The following XRN1 variants were observed in gnomAD, a reference collection of about 807,000 sequenced individuals.
XRN1 encodes the protein strand-exchange protein 1 homolog.
Under a neutral mutation model 222.3 loss-of-function variants are expected in XRN1, and 67 were observed. That is an observed-to-expected ratio of 0.30 (90% CI 0.25 to 0.37). XRN1 has a LOEUF of 0.37. Among genes scored for constraint, XRN1 ranks in the 10% least tolerant of loss-of-function variants. XRN1 has a pLI of 1.00. For synonymous variants in XRN1, 643 were observed against 652.4 expected, an observed-to-expected ratio of 0.99 and a Z score of 0.22; for missense variants, 1,707 against 2,000.2, an observed-to-expected ratio of 0.85 and a Z score of 2.80.
intron 30 of XRN1, 32 bp from the exon 31 acceptor site, chr3:142,357,151 G>A: frequency 6.4e-7 from 1 of 1,562,938 alleles, no homozygotes; most frequent in African/African-American, 1.4e-5. Flanking sequence ...GGGTTGGAAG[G>A]AAAACAATAC....
intron 8 of XRN1, among the ~76,000 whole-genome samples, chr3:142,421,757 T>C (rs2069044408): frequency 6.6e-6 from 1 of 152,172 alleles, no homozygotes; most frequent in African/African-American, 2.4e-5. Flanking sequence ...ATATAAGAAA[T>C]TCCAGGTTCC....
At chr3:142,317,103 A>T (rs921665429) in intron 39 of XRN1, among the ~76,000 whole-genome samples, 2 of 152,188 alleles carry the variant, frequency 1.3e-5, no homozygotes, top group Admixed American at 1.3e-4. Context: ...TGATCTTTGT[A>T]CATATTTCTT....
At chr3:142,388,560 T>C (rs1390541368) in intron 20 of XRN1, among the ~76,000 whole-genome samples, 1 of 152,200 alleles carries the variant, frequency 6.6e-6, no homozygotes, top group East Asian at 1.9e-4. Context: ...AGTTAACTTT[T>C]TGTTAGTGGA....
rs572632297 is a variant in XRN1, at chr3:142,354,596, C to T, written c.3768+805G>A. On this transcript the variant is annotated intron_variant, in intron 32 of 40. Coordinates refer to ENST00000392981, the MANE Select transcript of XRN1 (RefSeq NM_001282857.2). ...ATTTAGAGACTGAATCTTACTCTGT[C>T]GCCCAGGCTGGAGTGAAATGGGGCG... 4.6e-5 allele frequency among the ~76,000 whole-genome samples: 7 copies of T among 152,218 alleles called. No homozygotes were observed. The South Asian group carries it at 1.0e-3, about 23-fold the overall frequency.
At chr3:142,377,231 AAAG>A (rs1016340483) in intron 23 of XRN1, among the ~76,000 whole-genome samples, 7 of 152,072 alleles carry the variant, frequency 4.6e-5, no homozygotes, top group Non-Finnish European at 1.0e-4. Flanking sequence ...AAAAAAAAAA[AAAG>A]AAGTAACAGA....
chr3:142,380,862 G>A (rs1439287240), intron 22 of XRN1, among the ~76,000 whole-genome samples: 1 of 152,072 alleles, frequency 6.6e-6, no homozygotes, highest in Non-Finnish European at 1.5e-5. Flanking sequence ...TGCCCAGGCT[G>A]GTCTCAAACT....
At chr3:142,378,903 T>C (rs2067219849) in intron 23 of XRN1, among the ~76,000 whole-genome samples, 1 of 151,996 alleles carries the variant, frequency 6.6e-6, no homozygotes, top group Admixed American at 6.6e-5. Context: ...ATACAGAAAT[T>C]CAGAATCAGA....
At chr3:142,362,420 G>A (rs946719578) in intron 29 of XRN1, among the ~76,000 whole-genome samples, 2 of 152,106 alleles carry the variant, frequency 1.3e-5, no homozygotes, top group Non-Finnish European at 2.9e-5. Flanking sequence ...ACAGGCATGA[G>A]CTACTGCGCC....
At chr3:142,423,387 T>C (rs1205235636) in intron 6 of XRN1, among the ~76,000 whole-genome samples, 173 bp downstream of exon 6, 1 of 152,062 alleles carries the variant, frequency 6.6e-6, no homozygotes, top group African/African-American at 2.4e-5. Flanking sequence ...AAAAGAAGAA[T>C]AAATGAGTTG....
At chr3:142,386,572 T>C (rs1040179787) in intron 20 of XRN1, among the ~76,000 whole-genome samples, 2 of 152,098 alleles carry the variant, frequency 1.3e-5, no homozygotes, top group Non-Finnish European at 2.9e-5. Context: ...TATTTAAAGA[T>C]AAATTACTTA....
intron 39 of XRN1, among the ~76,000 whole-genome samples, chr3:142,315,232 GCTAT>G (rs2065181307): frequency 6.6e-6 from 1 of 151,984 alleles, no homozygotes. Flanking sequence ...ACCACACTCA[GCTAT>G]CTGTTTTCAA....
intron 19 of XRN1, among the ~76,000 whole-genome samples, chr3:142,398,714 C>T (rs1018113252): frequency 1.3e-5 from 2 of 152,108 alleles, no homozygotes; most frequent in Non-Finnish European, 2.9e-5. Context: ...TCTAATTCAG[C>T]TACTAGCCCT....
chr3:142,405,789 T>C (rs1277377109), intron 15 of XRN1, among the ~76,000 whole-genome samples: 2 of 152,010 alleles, frequency 1.3e-5, no homozygotes, highest in African/African-American at 4.8e-5. Context: ...AAAAAGCACA[T>C]ACACTTCTGA....
chr3:142,323,560 A>C (rs2065424724), intron 37 of XRN1, among the ~76,000 whole-genome samples: 1 of 152,194 alleles, frequency 6.6e-6, no homozygotes, highest in African/African-American at 2.4e-5. Flanking sequence ...TCATTTTTCT[A>C]ATTTTGTATC....
In XRN1 at chr3:142,417,243, A is replaced by G. The variant is rs747931677; in HGVS notation, c.1347-14T>C. On this transcript the variant is annotated splice_polypyrimidine_tract_variant and intron_variant, in intron 12 of 40. Coordinates refer to ENST00000392981, the MANE Select transcript of XRN1 (RefSeq NM_001282857.2). ...GCCAGAAAGTCACTGAAAATAGAAT[A>G]TTTTCATTATAACATATTTTCTGAA... 2.4e-5 allele frequency: 38 copies of G among 1,610,266 alleles called. No individual in the cohort carries two copies. The highest frequency in any genetic ancestry group is 3.2e-5 in the Non-Finnish European group (38 of 1,177,422).
At chr3:142,378,434 G>T (rs2067205131) in intron 23 of XRN1, among the ~76,000 whole-genome samples, 1 of 152,074 alleles carries the variant, frequency 6.6e-6, no homozygotes, top group Non-Finnish European at 1.5e-5. Context: ...TATCTTCAGA[G>T]AAATAAATGA....
chr3:142,441,186 T>C (rs184179738), intron 1 of XRN1, among the ~76,000 whole-genome samples: 4 of 152,344 alleles, frequency 2.6e-5, no homozygotes, highest in Non-Finnish European at 4.4e-5. Context: ...CCTATACTGC[T>C]TATCCTCATC....
intron 20 of XRN1, among the ~76,000 whole-genome samples, chr3:142,394,694 T>G (rs996982685): frequency 9.2e-5 from 14 of 152,234 alleles, no homozygotes; most frequent in African/African-American, 3.1e-4. Context: ...TCTCCTTCCA[T>G]CTTAGAATTT....
chr3:142,391,186 G>C (rs1229623026), intron 20 of XRN1, among the ~76,000 whole-genome samples: 1 of 152,050 alleles, frequency 6.6e-6, no homozygotes, highest in African/African-American at 2.4e-5. Context: ...AAATGGCACT[G>C]ATAGAGTTGC....
Sources: allele counts gnomAD v4.1 joint callset (sites outside exome capture counted in the v4.1 genomes callset), GRCh38; gene constraint gnomAD v4.1.1; transcripts MANE v1.5; gene names NCBI Gene and HGNC (gene_info 2026-07-23, HGNC 2026-07-21).